Variants in CDH13 observed in about 807,000 individuals in gnomAD.
CDH13 encodes cadherin 13.
CDH13 carries 24 observed loss-of-function variants against 63.8 expected under a neutral mutation model. That is an observed-to-expected ratio of 0.38 (90% confidence interval 0.27 to 0.53). The LOEUF is 0.53. CDH13 is among the 20% of genes least tolerant of loss of function. The probability of loss-of-function intolerance (pLI) is 0.85; values close to 1 mark genes in which losing one functional copy is unlikely to be tolerated. For synonymous variants in CDH13, 503 were observed against 355.3 expected (o/e 1.42, Z -4.67); for missense variants, 1,049 against 903.1 (o/e 1.16, Z -2.07).
At chr16:83,734,085 A>C (rs1911300814) in intron 10 of CDH13, among the ~76,000 whole-genome samples, 1 of 152,216 alleles carries the variant, frequency 6.6e-6, no homozygotes, top group South Asian at 2.1e-4. Context: ...ATGTACTCCA[A>C]ATCATGAACC....
intron 1 of CDH13, among the ~76,000 whole-genome samples, chr16:82,786,646 C>G (rs1403822160): frequency 8.8e-6 from 1 of 114,070 alleles, no homozygotes; most frequent in Admixed American, 1.0e-4. Flanking sequence ...CTAATGCTAT[C>G]CCTCCCCCTC....
intron 7 of CDH13, among the ~76,000 whole-genome samples, chr16:83,567,026 G>A (rs796421806): frequency 5.3e-5 from 8 of 152,210 alleles, no homozygotes; most frequent in African/African-American, 1.7e-4. Context: ...TACAGTTCTA[G>A]GCTCTGTGCT....
intron 11 of CDH13, among the ~76,000 whole-genome samples, chr16:83,757,509 C>T (rs1000320223): frequency 1.1e-4 from 17 of 152,080 alleles, no homozygotes; most frequent in East Asian, 5.8e-4. Context: ...ACCCAGGAGG[C>T]GGAGGTTGCA....
At chr16:82,688,463 C>T (rs893250492) in intron 1 of CDH13, among the ~76,000 whole-genome samples, 3 of 152,206 alleles carry the variant, frequency 2.0e-5, no homozygotes, top group Non-Finnish European at 4.4e-5. Flanking sequence ...CTGGTCATCA[C>T]CATTCAAGAC....
chr16:83,792,669 G>A (rs1916353544), intron 13 of CDH13, among the ~76,000 whole-genome samples: 1 of 152,196 alleles, frequency 6.6e-6, no homozygotes, highest in Non-Finnish European at 1.5e-5. Context: ...CAGTAGTGCT[G>A]AGGCTGAGAA....
In CDH13 at chr16:82,929,678, AAAAAAG is replaced by A. The variant is rs1303941656; in HGVS notation, c.157+71208_157+71213del. ...AAAAAAAAAAAAAAAAAAAAAAAAAAAAAAAGAAGACAGCCGTTGATGAACCTGAAA... is the reference window on the plus strand; with the variant it reads ...AAAAAAAAAAAAAAAAAAAAAAAAAAAAGACAGCCGTTGATGAACCTGAAA... On this transcript the variant is annotated intron_variant, in intron 2 of 13. Coordinates refer to ENST00000567109, the MANE Select transcript of CDH13 (RefSeq NM_001257.5). Among the ~76,000 whole-genome samples, 186 of 145,500 alleles carry A rather than the reference AAAAAAG, an allele frequency of 1.3e-3. 3 individuals are homozygous for A. The highest frequency in any genetic ancestry group is 4.5e-3 in the African/African-American group (177 of 39,614).
At chr16:83,136,515 A>G (rs970732028) in intron 4 of CDH13, among the ~76,000 whole-genome samples, 2 of 150,996 alleles carry the variant, frequency 1.3e-5, no homozygotes, top group African/African-American at 4.9e-5. Context: ...AAAGAAATAG[A>G]CTTCACTAGA....
intron 3 of CDH13, among the ~76,000 whole-genome samples, chr16:83,080,871 G>GTGTTT (rs2033184161): frequency 8.5e-5 from 4 of 46,928 alleles, no homozygotes; most frequent in Non-Finnish European, 1.4e-4. Context: ...TTGTTTTTGT[G>GTGTTT]TTTTTTTTTT....
intron 6 of CDH13, among the ~76,000 whole-genome samples, chr16:83,472,088 G>A (rs1018607427): frequency 6.6e-6 from 1 of 152,116 alleles, no homozygotes; most frequent in Non-Finnish European, 1.5e-5. Flanking sequence ...ACAGTGTCCT[G>A]GGCTGAATGT....
At position 83,651,493 on chromosome 16, in the gene CDH13, G is replaced by A. The variant is rs190130272; in HGVS notation, c.1102-19297G>A. On this transcript the variant is annotated intron_variant, in intron 8 of 13. Transcript: ENST00000567109. ...GATGAGAAAATGGAGACACGGAGAGGTTAAATGACCTGCCAAAAGTCACAA... is the reference window on the plus strand; with the variant it reads ...GATGAGAAAATGGAGACACGGAGAGATTAAATGACCTGCCAAAAGTCACAA... Among the ~76,000 whole-genome samples, 58 of 151,524 alleles carry A rather than the reference G, an allele frequency of 3.8e-4. 1 individual carries two copies. Among genetic ancestry groups the A allele is most frequent in the Non-Finnish European group, 3.5e-4 (24 of 67,942 alleles).
In CDH13 at chr16:83,448,168, A is replaced by AT. The variant is rs916525107; in HGVS notation, c.782-38299dup. Among the ~76,000 whole-genome samples, 294 of 150,894 alleles carry AT rather than the reference A, an allele frequency of 1.9e-3. 2 individuals are homozygous for AT. The highest frequency in any genetic ancestry group is 3.3e-3 in the Non-Finnish European group (221 of 67,626). ...GATAGTGGAGCTGAGTGAGCTAAAG[A>AT]TTTTTTTTTTAATCTCATGATCTGA... On this transcript the variant is annotated intron_variant, in intron 6 of 13. Transcript: ENST00000567109.
chr16:82,705,070 G>T, intron 1 of CDH13: 1 of 446,940 alleles, frequency 2.2e-6, no homozygotes, highest in Non-Finnish European at 4.5e-6. Context: ...AGACACCAGT[G>T]AGGCCTACCA....
chr16:83,539,867 C>T (rs2075267273), intron 7 of CDH13, among the ~76,000 whole-genome samples: 1 of 152,132 alleles, frequency 6.6e-6, no homozygotes, highest in Non-Finnish European at 1.5e-5. Flanking sequence ...AGGGCTCCAG[C>T]AGTCAGAAAC....
chr16:82,913,131 T>G (rs1356980936), intron 2 of CDH13, among the ~76,000 whole-genome samples: 1 of 152,136 alleles, frequency 6.6e-6, no homozygotes, highest in Non-Finnish European at 1.5e-5. Context: ...ATTTTTTTCT[T>G]AAAAAACTCA....
intron 1 of CDH13, among the ~76,000 whole-genome samples, chr16:82,767,692 C>T (rs982409405): frequency 3.9e-5 from 6 of 152,196 alleles, no homozygotes; most frequent in African/African-American, 1.4e-4. Flanking sequence ...CAGCTCCAAT[C>T]CCAAACTTTT....
intron 13 of CDH13, among the ~76,000 whole-genome samples, chr16:83,792,052 G>T (rs981776884): frequency 2.6e-5 from 4 of 152,064 alleles, no homozygotes; most frequent in Admixed American, 1.3e-4. Context: ...TCTAATAATG[G>T]CTTTGTCTTT....
At position 83,443,234 on chromosome 16, in the gene CDH13, C is replaced by G. The variant is rs760595746; in HGVS notation, c.782-43243C>G. 3.7e-4 allele frequency among the ~76,000 whole-genome samples: 56 copies of G among 152,274 alleles called. 1 individual carries two copies. The highest frequency in any genetic ancestry group is 6.8e-4 in the Non-Finnish European group (46 of 68,018). ...GATGCTTAGAATGGTGGATGGAGTT[C>G]TAGCTGCGTTTTTGCTGCTTCACCC... On this transcript the variant is annotated intron_variant, in intron 6 of 13. Coordinates refer to ENST00000567109, the MANE Select transcript of CDH13 (RefSeq NM_001257.5).
intron 3 of CDH13, among the ~76,000 whole-genome samples, chr16:83,115,847 T>C (rs545319268): frequency 1.3e-5 from 2 of 152,344 alleles, no homozygotes; most frequent in South Asian, 4.1e-4. Flanking sequence ...ACTTTTTCTA[T>C]TATGCAAAGC....
In CDH13 at chr16:83,691,413, G is replaced by A. The variant is rs139163048; in HGVS notation, c.1538+12952G>A. Among the ~76,000 whole-genome samples the A allele has an allele frequency of 3.4e-3, 524 of 152,238 alleles. 7 individuals carry two copies. The highest frequency in any genetic ancestry group is 0.012 in the African/African-American group (505 of 41,530). ...ATGATCCCCAAAGAGGGAAGTGAAC[G>A]TAGGGCTGTGGCCAAGCCCTGGGAC... On this transcript the variant is annotated intron_variant, in intron 10 of 13. Coordinates refer to ENST00000567109, the MANE Select transcript of CDH13 (RefSeq NM_001257.5).
Sources: gnomAD v4.1 joint callset for allele counts (sites outside exome capture counted in the v4.1 genomes callset) on GRCh38, gnomAD v4.1.1 for gene constraint, MANE v1.5 for transcripts, NCBI Gene and HGNC (gene_info 2026-07-23, HGNC 2026-07-21) for gene names.